The following HACD3 variants were observed in gnomAD, a reference collection of about 807,000 sequenced individuals.
HACD3 encodes very-long-chain (3R)-3-hydroxyacyl-CoA dehydratase 3.
In HACD3, 30 loss-of-function variants were observed where a neutral mutation model predicts 55.2. That is an observed-to-expected ratio of 0.54 (90% CI 0.41 to 0.74). HACD3 has a LOEUF of 0.74. HACD3 is among the 30% of genes least tolerant of loss of function. HACD3 has a pLI of 0.00. For missense variants in HACD3, 363 were observed against 440.1 expected, an observed-to-expected ratio of 0.82 and a Z score of 1.57; for synonymous variants, 141 against 151.7, an observed-to-expected ratio of 0.93 and a Z score of 0.52.
At chr15:65,561,322 C>T (rs111625333) in intron 5 of HACD3, among the ~76,000 whole-genome samples, 9,153 of 151,984 alleles carry the variant, frequency 0.06, 283 homozygotes, top group African/African-American at 0.082. Flanking sequence ...AAAAATTAGC[C>T]GGGCGTGGTG....
rs184976855 is a variant in HACD3, at chr15:65,556,292, C to T, written c.205-447C>T. ...TTTTCTTGCAACTAGACAGTCCCATCTGGGGGTGATGGGAGACAGTGACAG... is the reference window on the plus strand; with the variant it reads ...TTTTCTTGCAACTAGACAGTCCCATTTGGGGGTGATGGGAGACAGTGACAG... On this transcript the variant is annotated intron_variant, in intron 3 of 10. Coordinates refer to ENST00000261875, the MANE Select transcript of HACD3 (RefSeq NM_016395.4). Among the ~76,000 whole-genome samples, 112 of 152,294 alleles carry T rather than the reference C, an allele frequency of 7.4e-4. 3 individuals are homozygous for T. The highest frequency in any genetic ancestry group is 2.4e-3 in the African/African-American group (99 of 41,554).
Position 65,536,076 on chromosome 15 carries a change from G to A in HACD3, c.87+5358G>A, listed in dbSNP as rs145383124. 5.2e-3 allele frequency among the ~76,000 whole-genome samples: 799 copies of A among 152,226 alleles called. 15 individuals carry two copies. Among genetic ancestry groups the A allele is most frequent in the African/African-American group, 0.017 (710 of 41,520 alleles). ...CTGTCACCCAGGCTGGAGTGCAGTGGTGTGATCTTGGCCCACCGCAACCTC... is the reference window on the plus strand; with the variant it reads ...CTGTCACCCAGGCTGGAGTGCAGTGATGTGATCTTGGCCCACCGCAACCTC... On this transcript the variant is annotated intron_variant, in intron 1 of 10. Coordinates refer to ENST00000261875, the MANE Select transcript of HACD3 (RefSeq NM_016395.4).
chr15:65,539,940 T>TA (rs2141205827), intron 1 of HACD3, among the ~76,000 whole-genome samples: 1 of 152,306 alleles, frequency 6.6e-6, no homozygotes, highest in East Asian at 1.9e-4. Context: ...AATAAATAAA[T>TA]ACAGTGGAAA....
chr15:65,531,435 G>A (rs1418240760), intron 1 of HACD3: 1 of 152,226 alleles, frequency 6.6e-6, no homozygotes, highest in Admixed American at 6.5e-5. Flanking sequence ...ATGTAAGCAA[G>A]CTGAAGGCAC....
intron 1 of HACD3, among the ~76,000 whole-genome samples, chr15:65,533,229 GGT>G (rs1217587603): frequency 2.6e-5 from 4 of 152,156 alleles, no homozygotes; most frequent in African/African-American, 9.7e-5. Flanking sequence ...GGAACCCTGG[GGT>G]GTTTCATTAG....
chr15:65,560,745 GAGAGCTATGGTCCCACC>G (rs1486066094), intron 5 of HACD3, among the ~76,000 whole-genome samples: 1 of 149,392 alleles, frequency 6.7e-6, no homozygotes, highest in Non-Finnish European at 1.5e-5. Context: ...CAGGGCTGCA[GAGAGCTATGGTCCCACC>G]ACTGCATTCT....
In HACD3 at chr15:65,567,625, T is replaced by G. The variant is rs142221955; in HGVS notation, c.661-2466T>G. Among the ~76,000 whole-genome samples, 233 of 152,268 alleles carry G rather than the reference T, an allele frequency of 1.5e-3. 4 individuals carry two copies. Among genetic ancestry groups the G allele is most frequent in the African/African-American group, 5.5e-3 (228 of 41,558 alleles). On this transcript the variant is annotated intron_variant, in intron 7 of 10. Coordinates refer to ENST00000261875, the MANE Select transcript of HACD3 (RefSeq NM_016395.4). ...GGATAGTAGCATCATTTTCGATAAC[T>G]AAAATGTGCAAGCAACCCAAGTGTT...
Position 65,558,721 on chromosome 15 carries a change from C to G in HACD3, c.411C>G (p.Gly137=), listed in dbSNP as rs1326417240. ...ATAAACTCCGACTGGAAAGCGAAGGCTCTCCTGAAAGTAAGTTGTGCTGCT... is the reference window on the plus strand; with the variant it reads ...ATAAACTCCGACTGGAAAGCGAAGGGTCTCCTGAAAGTAAGTTGTGCTGCT... ...RLNKLRLESE[G]SPETLTNLRK... is the part of the protein sequence containing the mutation. Residue 137 remains glycine (G), a synonymous_variant, in exon 5 of 11, where the codon GGC becomes GGG. Coordinates refer to ENST00000261875, the MANE Select transcript of HACD3 (RefSeq NM_016395.4). The G allele has an allele frequency of 1.2e-6, 2 of 1,601,392 alleles. No homozygotes were observed. Among genetic ancestry groups the G allele is most frequent in the African/African-American group, 2.7e-5 (2 of 74,840 alleles).
At chr15:65,531,704 T>C (rs962333188) in intron 1 of HACD3, among the ~76,000 whole-genome samples, 2 of 152,020 alleles carry the variant, frequency 1.3e-5, no homozygotes, top group African/African-American at 2.4e-5. Flanking sequence ...TAGCTGGGAT[T>C]ATAGACGCGT....
At chr15:65,537,943 A>G (rs2071972840) in intron 1 of HACD3, among the ~76,000 whole-genome samples, 1 of 12,494 alleles carries the variant, frequency 8.0e-5, no homozygotes, top group South Asian at 2.9e-3. Flanking sequence ...AGAAAAAAAA[A>G]AAAAAAAAAA....
intron 4 of HACD3, 148 bp from the exon 5 acceptor site, chr15:65,558,532 T>C: frequency 1.4e-6 from 1 of 704,316 alleles, no homozygotes; most frequent in Non-Finnish European, 2.5e-6. Flanking sequence ...TTTGGCCCTA[T>C]GACCTAGAAT....
chr15:65,536,360 T>C (rs1270317234), intron 1 of HACD3, among the ~76,000 whole-genome samples: 1 of 152,202 alleles, frequency 6.6e-6, no homozygotes, highest in East Asian at 1.9e-4. Context: ...ACTTAATCGA[T>C]AAATGTATGT....
chr15:65,538,108 A>T (rs2071982691), intron 1 of HACD3, among the ~76,000 whole-genome samples: 1 of 151,814 alleles, frequency 6.6e-6, no homozygotes, highest in Non-Finnish European at 1.5e-5. Context: ...GCCCGCTAAC[A>T]TAACATTCCT....
intron 1 of HACD3, among the ~76,000 whole-genome samples, chr15:65,533,802 A>C (rs1451648683): frequency 6.6e-6 from 1 of 151,582 alleles, no homozygotes; most frequent in Admixed American, 6.6e-5. Flanking sequence ...CTGTAATCCC[A>C]GCACTATGGG....
At position 65,530,786 on chromosome 15, in the gene HACD3, C is replaced by T. The variant is rs2141198760; in HGVS notation, c.87+68C>T. ...CTCCGGGTACCCGCCAGGACCCCTGCCCCCTTTGTCCGCGTGCGCGCCGGA... is the reference window on the plus strand; with the variant it reads ...CTCCGGGTACCCGCCAGGACCCCTGTCCCCTTTGTCCGCGTGCGCGCCGGA... On this transcript the variant is annotated intron_variant, in intron 1 of 10. Coordinates refer to ENST00000261875, the MANE Select transcript of HACD3 (RefSeq NM_016395.4). 1.4e-5 allele frequency: 19 copies of T among 1,390,944 alleles called. No homozygotes were observed. The South Asian group carries it at 2.1e-4, about 16-fold the overall frequency. 86.2% of individuals were successfully genotyped at this position (1,390,944 alleles called of 1,614,324 possible). A position where few individuals can be genotyped will look rare whatever the true frequency, so the allele number is the denominator to read the frequency against.
chr15:65,545,254 A>G (rs2072063819), intron 1 of HACD3, among the ~76,000 whole-genome samples: 1 of 152,156 alleles, frequency 6.6e-6, no homozygotes, highest in South Asian at 2.1e-4. Context: ...CTCTTAACAT[A>G]AGGATGCCAT....
intron 1 of HACD3, among the ~76,000 whole-genome samples, chr15:65,542,354 C>G (rs1320661169): frequency 6.6e-6 from 1 of 152,036 alleles, no homozygotes; most frequent in Admixed American, 6.5e-5. Context: ...GTCTCCACCT[C>G]TCAGGCCCAA....
intron 10 of HACD3, among the ~76,000 whole-genome samples, chr15:65,575,470 G>GA (rs1424615638): frequency 6.6e-6 from 1 of 152,056 alleles, no homozygotes; most frequent in Admixed American, 6.6e-5. Context: ...TTACGGTCGT[G>GA]AGCCACCACG....
At chr15:65,569,229 C>G (rs577591102) in intron 7 of HACD3, among the ~76,000 whole-genome samples, 55 of 132,478 alleles carry the variant, frequency 4.2e-4, no homozygotes, top group East Asian at 1.1e-3. Context: ...GCCTGGACGA[C>G]AGAGCGAGAC....
Sources: allele counts gnomAD v4.1 joint callset (sites outside exome capture counted in the v4.1 genomes callset), GRCh38; gene constraint gnomAD v4.1.1; transcripts MANE v1.5; gene names NCBI Gene and HGNC (gene_info 2026-07-23, HGNC 2026-07-21).